TAF5L: variants seen among roughly 807,000 people sequenced by gnomAD.
TAF5L encodes TAF5-like RNA polymerase II p300/CBP-associated factor-associated factor 65 kDa subunit 5L.
In TAF5L, 7 loss-of-function variants were observed where a neutral mutation model predicts 51.3. The ratio of observed to expected loss-of-function variants is 0.14; its 90% CI spans 0.08 to 0.26. The LOEUF (loss-of-function observed/expected upper bound fraction) is 0.26. Ranked by LOEUF, TAF5L falls within the 10% of genes least tolerant of loss-of-function variation. The pLI is 1.00. For missense variants in TAF5L, 575 were observed against 758.9 expected (o/e 0.76, Z 2.85); for synonymous variants, 291 against 308.1 (o/e 0.94, Z 0.58).
At chr1:229,601,908 T>C in intron 4 of TAF5L, 1 of 1,176,232 alleles carries the variant, frequency 8.5e-7, no homozygotes, top group Non-Finnish European at 1.1e-6. Flanking sequence ...CTAAAGTCAA[T>C]ATTAGCTAAA....
At chr1:229,598,760 G>A (rs1029522370) in intron 4 of TAF5L, among the ~76,000 whole-genome samples, 4 of 150,294 alleles carry the variant, frequency 2.7e-5, no homozygotes, top group South Asian at 2.1e-4. Context: ...GTGCAGTGGC[G>A]CGGTCTCAGC....
intron 4 of TAF5L, among the ~76,000 whole-genome samples, chr1:229,598,692 T>C (rs888490041): frequency 4.7e-4 from 26 of 55,606 alleles, no homozygotes; most frequent in Middle Eastern, 0.019. Flanking sequence ...GGATATCTCT[T>C]TTTTTTTTTT....
At chr1:229,622,998 C>T (rs189081671) in intron 1 of TAF5L, among the ~76,000 whole-genome samples, 50 of 152,278 alleles carry the variant, frequency 3.3e-4, no homozygotes, top group Non-Finnish European at 5.6e-4. Flanking sequence ...TTACTGCCGC[C>T]GGGCACGGTG....
rs940126772 is a variant in TAF5L at position 229,625,148 on chromosome 1, C to A, written c.-4+737G>T. 2.0e-5 allele frequency among the ~76,000 whole-genome samples: 3 copies of A among 152,206 alleles called. No homozygotes were observed. The highest frequency in any genetic ancestry group is 7.2e-5 in the African/African-American group (3 of 41,446). ...AACTGCATGTAGCGTTCCTGCACTC[C>A]ACTTCCGCTAAGTCTAAAATGACAC... On this transcript the variant is annotated intron_variant, in intron 1 of 4. Coordinates refer to ENST00000258281, the Ensembl canonical transcript of TAF5L. The surrounding 1 kb of genome is among the most constrained non-coding windows in gnomAD (Gnocchi z 4.0).
Position 229,594,106 on chromosome 1 carries a change from C to A in TAF5L, c.*191G>T. The A allele has an allele frequency of 1.6e-6, 1 of 627,248 alleles. No individual in the cohort carries two copies. The highest frequency in any genetic ancestry group is 2.8e-6 in the Non-Finnish European group (1 of 356,356). 38.9% of individuals were successfully genotyped at this position (627,248 alleles called of 1,614,324 possible). A position where few individuals can be genotyped will look rare whatever the true frequency, so the allele number is the denominator to read the frequency against. On this transcript the variant is annotated 3_prime_UTR_variant, in exon 5 of 5. Transcript: ENST00000258281. The surrounding 1 kb of genome is among the most constrained non-coding windows in gnomAD (Gnocchi z 7.9). Reference sequence around the variant, plus strand: ...TTGATCACTCATCATTGCCTCTCTCCTGTTCCCCTCCCCAACCTTGGCCTT... The same window carrying A: ...TTGATCACTCATCATTGCCTCTCTCATGTTCCCCTCCCCAACCTTGGCCTT...
intron 2 of TAF5L, among the ~76,000 whole-genome samples, chr1:229,610,452 G>C (rs769206015): frequency 1.1e-4 from 16 of 152,212 alleles, no homozygotes; most frequent in Non-Finnish European, 1.3e-4. Flanking sequence ...TAAAGCACAG[G>C]ATAAGGTGAA....
chr1:229,606,924 A>C (rs960072942), intron 3 of TAF5L: 1 of 985,364 alleles, frequency 1.0e-6, no homozygotes, highest in South Asian at 4.7e-5. Flanking sequence ...AGATACTCTT[A>C]TATCTTTCCC....
At chr1:229,623,608 T>A (rs915244415) in intron 1 of TAF5L, among the ~76,000 whole-genome samples, 6 of 152,238 alleles carry the variant, frequency 3.9e-5, no homozygotes, top group Admixed American at 1.3e-4. Context: ...GGAACAAATC[T>A]GTCACAGAAC....
chr1:229,615,345 T>C (rs2208374), intron 1 of TAF5L, among the ~76,000 whole-genome samples: 87,454 of 152,046 alleles, frequency 0.58, 25,568 homozygotes, highest in East Asian at 0.77. Flanking sequence ...GCTTGGCCTC[T>C]CAAAGTGCTG....
At chr1:229,601,580 G>T in intron 4 of TAF5L, 1 of 985,972 alleles carries the variant, frequency 1.0e-6, no homozygotes, top group Non-Finnish European at 1.2e-6. Context: ...CTGACTGACG[G>T]GGGGAGGGGA....
At chr1:229,621,067 G>GT (rs1665185299) in intron 1 of TAF5L, among the ~76,000 whole-genome samples, 1 of 152,150 alleles carries the variant, frequency 6.6e-6, no homozygotes, top group Non-Finnish European at 1.5e-5. Flanking sequence ...CGGAGGTGTT[G>GT]TAAGTCTGCA....
At chr1:229,603,575 T>C (rs775836491) in intron 3 of TAF5L, among the ~76,000 whole-genome samples, 1 of 152,254 alleles carries the variant, frequency 6.6e-6, no homozygotes, top group Non-Finnish European at 1.5e-5. Context: ...TCATTAACAA[T>C]TGTCTCATCA....
intron 2 of TAF5L, among the ~76,000 whole-genome samples, chr1:229,613,550 A>AATACT (rs1664866024): frequency 6.6e-6 from 1 of 152,212 alleles, no homozygotes; most frequent in Non-Finnish European, 1.5e-5. Context: ...CCAGGTGCTG[A>AATACT]ATACTATGAT....
At chr1:229,596,389 C>T (rs892408170) in intron 4 of TAF5L, among the ~76,000 whole-genome samples, 2 of 152,178 alleles carry the variant, frequency 1.3e-5, no homozygotes, top group African/African-American at 4.8e-5. Context: ...GGTACAGTTA[C>T]TAGTAAATCA....
intron 2 of TAF5L, 25 bp downstream of exon 2, chr1:229,614,316 C>G: frequency 6.2e-7 from 1 of 1,614,196 alleles, no homozygotes; most frequent in South Asian, 1.1e-5. Context: ...CAGGCTCACC[C>G]CACCAGACGA....
intron 4 of TAF5L, among the ~76,000 whole-genome samples, chr1:229,596,705 T>G (rs1001458520): frequency 6.6e-6 from 1 of 152,190 alleles, no homozygotes; most frequent in Non-Finnish European, 1.5e-5. Context: ...TATTCCCACA[T>G]AGATAAACTC....
chr1:229,609,420 C>CG (rs1391604146), intron 3 of TAF5L, among the ~76,000 whole-genome samples: 1 of 152,134 alleles, frequency 6.6e-6, no homozygotes, highest in Non-Finnish European at 1.5e-5. Context: ...TTAATACACT[C>CG]GGTTGATTGC....
exon 1 of TAF5L, chr1:229,626,028 C>T (rs1369243813): frequency 6.6e-6 from 1 of 151,360 alleles, no homozygotes; most frequent in African/African-American, 2.4e-5. Flanking sequence ...GCCGCCCCCG[C>T]CGCCGCTCTG....
intron 1 of TAF5L, among the ~76,000 whole-genome samples, chr1:229,622,607 A>G (rs909128287): frequency 6.6e-6 from 1 of 152,136 alleles, no homozygotes; most frequent in Non-Finnish European, 1.5e-5. Flanking sequence ...AAATAAAAAT[A>G]AAAGTCTTTC....
Sources: allele counts gnomAD v4.1 joint callset (sites outside exome capture counted in the v4.1 genomes callset), GRCh38; gene constraint gnomAD v4.1.1; non-coding constraint Gnocchi (gnomAD v3.1); transcripts MANE v1.5; gene names NCBI Gene and HGNC (gene_info 2026-07-23, HGNC 2026-07-21).